HOMER1: variants seen among roughly 807,000 people sequenced by gnomAD.
The protein encoded by HOMER1 is homer scaffold protein 1.
Under a neutral mutation model 48.9 loss-of-function variants are expected in HOMER1, and 3 were observed. That is an observed-to-expected ratio of 0.06 (90% CI 0.03 to 0.16). HOMER1 has a LOEUF of 0.16. HOMER1 is among the 10% of genes least tolerant of loss of function. The probability of loss-of-function intolerance (pLI) is 1.00; values close to 1 mark genes in which losing one functional copy is unlikely to be tolerated. For missense variants in HOMER1, 247 were observed against 411.4 expected (o/e 0.60, Z 3.46); for synonymous variants, 134 against 146.4 (o/e 0.92, Z 0.61).
Position 79,379,115 on chromosome 5 carries a change from A to ATATATATATATATATAT in HOMER1, c.877-2919_877-2918insATATATATATATATATA, listed in dbSNP as rs1349080228. Among the ~76,000 whole-genome samples the ATATATATATATATATAT allele has an allele frequency of 4.2e-3, 236 of 55,570 alleles. 18 individuals are homozygous for ATATATATATATATATAT. The highest frequency in any genetic ancestry group is 9.8e-3 in the Middle Eastern group (1 of 102). The allele number at this position is 55,570 out of a possible 152,430, so 36.5% of individuals were successfully genotyped here. A position where few individuals can be genotyped will look rare whatever the true frequency, so the allele number is the denominator to read the frequency against. On this transcript the variant is annotated intron_variant, in intron 8 of 8. Coordinates refer to ENST00000334082, the MANE Select transcript of HOMER1 (RefSeq NM_004272.5). ...ATATATATATATATATATATATATA[A>ATATATATATATATATAT]AATATATAAATATTTATTTATATAT...
intron 5 of HOMER1, among the ~76,000 whole-genome samples, chr5:79,415,346 C>A (rs967698750): frequency 6.6e-6 from 1 of 151,446 alleles, no homozygotes; most frequent in African/African-American, 2.4e-5. Context: ...TGTGCCTGGC[C>A]GAGAATAGTT....
At chr5:79,471,094 G>A (rs1751601817) in intron 1 of HOMER1, among the ~76,000 whole-genome samples, 1 of 152,118 alleles carries the variant, frequency 6.6e-6, no homozygotes, top group South Asian at 2.1e-4. Context: ...AAATGCAGAT[G>A]GCTGTTAAAG....
Position 79,443,100 on chromosome 5 carries a change from G to A in HOMER1, c.388-3951C>T, listed in dbSNP as rs181278416. 3.9e-5 allele frequency among the ~76,000 whole-genome samples: 6 copies of A among 152,242 alleles called. No homozygotes were observed. The East Asian group carries it at 1.2e-3, about 29-fold the overall frequency. ...CAGCTGCATCAAATGCTTACCAAGA[G>A]TCAGCTGTATGTGTCCCAAACCTGT... On this transcript the variant is annotated intron_variant, in intron 4 of 8. Transcript: ENST00000334082.
At chr5:79,478,366 A>G (rs1751844546) in intron 1 of HOMER1, among the ~76,000 whole-genome samples, 1 of 152,180 alleles carries the variant, frequency 6.6e-6, no homozygotes, top group Non-Finnish European at 1.5e-5. Flanking sequence ...TGGATGGTTC[A>G]AAAGCAAGCT....
At chr5:79,508,736 C>T (rs1398766528) in intron 1 of HOMER1, among the ~76,000 whole-genome samples, 2 of 152,088 alleles carry the variant, frequency 1.3e-5, no homozygotes, top group African/African-American at 4.8e-5. Flanking sequence ...GCAGCTAATG[C>T]CCCCCCAACA....
intron 5 of HOMER1, among the ~76,000 whole-genome samples, chr5:79,417,118 T>C (rs1350006429): frequency 6.6e-6 from 1 of 150,826 alleles, no homozygotes; most frequent in Non-Finnish European, 1.5e-5. Flanking sequence ...TTTGTTGATT[T>C]CCCTATTTCC....
At position 79,464,470 on chromosome 5, in the gene HOMER1, A is replaced by G. The variant is rs534931936; in HGVS notation, c.6-7452T>C. 2.6e-5 allele frequency among the ~76,000 whole-genome samples: 4 copies of G among 152,324 alleles called. No homozygotes were observed. In the South Asian group the frequency reaches 8.3e-4, roughly 32 times the overall value. On this transcript the variant is annotated intron_variant, in intron 1 of 8. Transcript: ENST00000334082. ...GTCCAGGAATAGACGGACACTAATT[A>G]CCATTTAACTTGATAGGTAATGGCT...
At chr5:79,417,326 T>C (rs1436917561) in intron 5 of HOMER1, among the ~76,000 whole-genome samples, 2 of 152,262 alleles carry the variant, frequency 1.3e-5, no homozygotes, top group East Asian at 3.9e-4. Context: ...GTATTTTTAG[T>C]AGAGACGGGG....
chr5:79,389,236 C>T (rs922720637), intron 8 of HOMER1, among the ~76,000 whole-genome samples: 2 of 151,822 alleles, frequency 1.3e-5, no homozygotes, highest in African/African-American at 4.8e-5. Flanking sequence ...ATTAAATATC[C>T]TGCCAAGCTC....
chr5:79,437,399 G>A (rs2112273189), intron 5 of HOMER1, among the ~76,000 whole-genome samples: 1 of 152,132 alleles, frequency 6.6e-6, no homozygotes, highest in South Asian at 2.1e-4. Flanking sequence ...TTTTAAAATT[G>A]CATACTAATA....
chr5:79,428,863 A>G (rs968570560), intron 5 of HOMER1, among the ~76,000 whole-genome samples: 1 of 152,190 alleles, frequency 6.6e-6, no homozygotes, highest in African/African-American at 2.4e-5. Flanking sequence ...GTGAGCTCCA[A>G]ACTGATCTAC....
rs929594322 is a variant in HOMER1, at chr5:79,443,492, G to A, written c.387+3561C>T. Among the ~76,000 whole-genome samples, 10 of 152,164 alleles carry A rather than the reference G, an allele frequency of 6.6e-5. No individual in the cohort carries two copies. In the East Asian group the frequency reaches 1.9e-3, roughly 29 times the overall value. On this transcript the variant is annotated intron_variant, in intron 4 of 8. Transcript: ENST00000334082. ...TTCTGATGCAGAATTCTGACGCATAGTATTTTTCAAATACATATTGTATAA... is the reference window on the plus strand; with the variant it reads ...TTCTGATGCAGAATTCTGACGCATAATATTTTTCAAATACATATTGTATAA...
chr5:79,461,652 T>C (rs1751320287), intron 1 of HOMER1, among the ~76,000 whole-genome samples: 1 of 152,200 alleles, frequency 6.6e-6, no homozygotes, highest in Non-Finnish European at 1.5e-5. Context: ...TTACATCTCC[T>C]AGGATTTATA....
Position 79,486,945 on chromosome 5 carries a change from G to C in HOMER1, c.5+25825C>G, listed in dbSNP as rs191737779. ...AACATTTGACAGCAAAGTACCCTTT[G>C]AGAATAAAATTAGAAGACCCAAAAT... On this transcript the variant is annotated intron_variant, in intron 1 of 8. Coordinates refer to ENST00000334082, the MANE Select transcript of HOMER1 (RefSeq NM_004272.5). Among the ~76,000 whole-genome samples the C allele has an allele frequency of 3.3e-4, 51 of 152,312 alleles. No individual in the cohort carries two copies. The East Asian group carries it at 9.1e-3, about 27-fold the overall frequency.
intron 1 of HOMER1, among the ~76,000 whole-genome samples, chr5:79,501,426 G>A (rs1440899513): frequency 6.6e-6 from 1 of 152,212 alleles, no homozygotes; most frequent in Admixed American, 6.5e-5. Flanking sequence ...AGCTTTGGGA[G>A]AGTCAAAAGG....
chr5:79,468,893 T>C (rs1410675479), intron 1 of HOMER1, among the ~76,000 whole-genome samples: 1 of 152,218 alleles, frequency 6.6e-6, no homozygotes, highest in Non-Finnish European at 1.5e-5. Context: ...TCAATTTGCA[T>C]ATGCCTGATC....
chr5:79,397,878 G>A, intron 6 of HOMER1: 1 of 283,168 alleles, frequency 3.5e-6, no homozygotes, highest in Non-Finnish European at 6.4e-6. Flanking sequence ...CTTAAATTAA[G>A]TGATTAATGA....
intron 1 of HOMER1, among the ~76,000 whole-genome samples, chr5:79,458,660 T>C (rs753106048): frequency 7.9e-5 from 12 of 152,162 alleles, no homozygotes; most frequent in Non-Finnish European, 1.5e-4. Flanking sequence ...AAACCTCCTA[T>C]ACAACTTTTC....
intron 8 of HOMER1, among the ~76,000 whole-genome samples, chr5:79,387,487 C>G (rs1207278142): frequency 6.6e-6 from 1 of 152,138 alleles, no homozygotes; most frequent in Admixed American, 6.5e-5. Flanking sequence ...AAATTGACAT[C>G]TGATATACTT....
Sources: allele counts gnomAD v4.1 joint callset (sites outside exome capture counted in the v4.1 genomes callset), GRCh38; gene constraint gnomAD v4.1.1; transcripts MANE v1.5; gene names NCBI Gene and HGNC (gene_info 2026-07-23, HGNC 2026-07-21).